Variants in SSH1 observed in about 807,000 individuals in gnomAD.
SSH1 encodes the protein slingshot protein phosphatase 1.
In SSH1, 43 loss-of-function variants were observed where a neutral mutation model predicts 79.7. The observed-to-expected ratio is 0.54, with a 90% CI of 0.42 to 0.70. SSH1 has a LOEUF of 0.70. Among genes scored for constraint, SSH1 ranks in the 30% least tolerant of loss-of-function variants. The pLI, the probability that SSH1 is intolerant of heterozygous loss-of-function variation, is 0.00. For missense variants in SSH1, 1,206 were observed against 1,358.8 expected, an observed-to-expected ratio of 0.89 and a Z score of 1.77; for synonymous variants, 599 against 538.3, an observed-to-expected ratio of 1.11 and a Z score of -1.56.
Position 108,807,740 on chromosome 12 carries a change from G to C in SSH1, c.624C>G (p.Thr208=). ...CGGAGCTGATGCAGCTCTCATAGTA[G>C]GTAGCCCAGATGAGAGCTACACCCC... ...FPGGVALIWA[T]YYESCISSEQ... is the part of the protein sequence containing the mutation. The change falls in exon 8 of 15, where the codon ACC becomes ACG. Residue 208 remains threonine, a synonymous_variant. Transcript: ENST00000326495. This position sits in a 1 kb window ranked among gnomAD's most constrained non-coding sequence, Gnocchi z 5.2. 2 of 1,613,394 alleles carry C rather than the reference G, an allele frequency of 1.2e-6. No individual in the cohort carries two copies. The highest frequency in any genetic ancestry group is 1.7e-6 in the Non-Finnish European group (2 of 1,179,692).
At chr12:108,796,729 G>A (rs919265159) in intron 13 of SSH1, among the ~76,000 whole-genome samples, 1 of 151,974 alleles carries the variant, frequency 6.6e-6, no homozygotes, top group Non-Finnish European at 1.5e-5. Flanking sequence ...GGAATTGCTA[G>A]ATGATATAAT....
intron 2 of SSH1, among the ~76,000 whole-genome samples, chr12:108,825,356 C>T (rs952635695): frequency 6.6e-6 from 1 of 152,184 alleles, no homozygotes; most frequent in African/African-American, 2.4e-5. Flanking sequence ...AAAAACTCAG[C>T]AAAGTCTAAA....
intron 2 of SSH1, chr12:108,827,365 T>C (rs1364318413): frequency 6.5e-7 from 1 of 1,538,876 alleles, no homozygotes; most frequent in East Asian, 2.5e-5. Context: ...AGTGCTCACA[T>C]CTCTAACGCT....
chr12:108,809,128 C>G (rs2037442735), intron 7 of SSH1, among the ~76,000 whole-genome samples: 1 of 151,878 alleles, frequency 6.6e-6, no homozygotes, highest in South Asian at 2.1e-4. Context: ...GCCACCACGC[C>G]TAGCCCATTT....
chr12:108,793,123 T>C (rs2036586980), intron 13 of SSH1, among the ~76,000 whole-genome samples: 1 of 152,230 alleles, frequency 6.6e-6, no homozygotes, highest in Non-Finnish European at 1.5e-5. Flanking sequence ...TCTGTGTATC[T>C]GTGTTTAGTG....
At position 108,845,358 on chromosome 12, in the gene SSH1, G is replaced by A. The variant is rs1354805436; in HGVS notation, c.110+7280C>T. On this transcript the variant is annotated intron_variant, in intron 2 of 14. Coordinates refer to ENST00000326495, the MANE Select transcript of SSH1 (RefSeq NM_018984.4). The stretch of plus-strand genomic sequence containing the variant: ...CCAGCTATACCGTGTCCAGATTCCT[G>A]ACCCATGGAAGCTGTGAGATAATAA... Among the ~76,000 whole-genome samples the A allele has an allele frequency of 2.0e-5, 3 of 152,092 alleles. No homozygotes were observed. In the East Asian group the frequency reaches 5.8e-4, roughly 29 times the overall value.
rs999684929 is a variant in SSH1 at position 108,800,054 on chromosome 12, T to C, written c.1148+726A>G. The stretch of plus-strand genomic sequence containing the variant: ...GTCTGAAGTTTCCGTCAAGGGAGTC[T>C]TGAGTTTGTCTCCTGGGAATATAAG... On this transcript the variant is annotated intron_variant, in intron 12 of 14. Transcript: ENST00000326495. 2.6e-5 allele frequency among the ~76,000 whole-genome samples: 4 copies of C among 152,220 alleles called. No individual in the cohort carries two copies. The East Asian group carries it at 7.7e-4, about 29-fold the overall frequency.
In SSH1 at chr12:108,788,671, G is replaced by A. The variant is rs371932811; in HGVS notation, c.2467C>T (p.Arg823Cys). 26 of 1,613,936 alleles carry A rather than the reference G, an allele frequency of 1.6e-5. No individual in the cohort carries two copies. Among genetic ancestry groups the A allele is most frequent in the African/African-American group, 5.3e-5 (4 of 74,934 alleles). Residue 823 changes from arginine to cysteine, a missense_variant, in exon 15 of 15, where the codon CGC becomes TGC. Coordinates refer to ENST00000326495, the MANE Select transcript of SSH1 (RefSeq NM_018984.4). ...IIQLQKAGLV[R>C]KHTKELERLK... ...CGCTCTAGCTCTTTGGTGTGCTTGC[G>A]GACCAAGCCTGCCTTCTGCAGCTGA...
rs900463558 is a variant in SSH1, at chr12:108,779,669, T to C, written c.*8319A>G. 2.0e-5 allele frequency: 3 copies of C among 151,830 alleles called. No homozygotes were observed. The highest frequency in any genetic ancestry group is 6.6e-5 in the Admixed American group (1 of 15,216). 9.4% of individuals were successfully genotyped at this position (151,830 alleles called of 1,614,324 possible). A position where few individuals can be genotyped will look rare whatever the true frequency, so the allele number is the denominator to read the frequency against. ...TTAGAAAAAGGACTCTCCTCTACCT[T>C]TTTTTTTCTTTTTTTTGTTTTTTGA... is the stretch of plus-strand genomic sequence containing the variant. On this transcript the variant is annotated 3_prime_UTR_variant, in exon 15 of 15. Transcript: ENST00000326495.
At position 108,806,277 on chromosome 12, in the gene SSH1, C is replaced by T. The variant is rs777723553; in HGVS notation, c.825+24G>A. On this transcript the variant is annotated intron_variant, in intron 9 of 14. Coordinates refer to ENST00000326495, the MANE Select transcript of SSH1 (RefSeq NM_018984.4). Reference sequence around the variant, plus strand: ...TGGAGGCTGCATGACCTCTGACCTGCAATGAAGGGAGGAGTTGTCTTACCT... The same window carrying T: ...TGGAGGCTGCATGACCTCTGACCTGTAATGAAGGGAGGAGTTGTCTTACCT... 10 of 1,606,892 alleles carry T rather than the reference C, an allele frequency of 6.2e-6. No individual in the cohort carries two copies. The African/African-American group carries it at 6.7e-5, about 11-fold the overall frequency.
intron 2 of SSH1, among the ~76,000 whole-genome samples, chr12:108,828,190 G>A (rs1262595587): frequency 1.3e-5 from 2 of 152,158 alleles, no homozygotes; most frequent in East Asian, 1.9e-4. Flanking sequence ...GTGACTTCTG[G>A]AACAATTCCT....
chr12:108,836,708 A>G (rs1220539412), intron 2 of SSH1, among the ~76,000 whole-genome samples: 3 of 152,278 alleles, frequency 2.0e-5, no homozygotes, highest in Non-Finnish European at 4.4e-5. Context: ...GGGGAAAAGA[A>G]TAACTGTACA....
At chr12:108,794,680 C>T (rs1346316370) in intron 13 of SSH1, among the ~76,000 whole-genome samples, 20 of 152,300 alleles carry the variant, frequency 1.3e-4, no homozygotes, top group East Asian at 1.9e-4. Context: ...AAGTGGGTCA[C>T]GCAAATCTGC....
chr12:108,797,073 T>G (rs1423082197), intron 13 of SSH1, among the ~76,000 whole-genome samples: 1 of 152,228 alleles, frequency 6.6e-6, no homozygotes, highest in East Asian at 1.9e-4. Flanking sequence ...CATACTGTTT[T>G]CCACAGCACC....
rs2036118748 is a variant in SSH1 at position 108,778,531 on chromosome 12, G to T, written c.*9457C>A. 6.6e-6 allele frequency: 1 copy of T among 152,226 alleles called. No individual in the cohort carries two copies. Among genetic ancestry groups the T allele is most frequent in the Non-Finnish European group, 1.5e-5 (1 of 68,044 alleles). The allele number at this position is 152,226 out of a possible 1,614,324, so 9.4% of individuals were successfully genotyped here. On this transcript the variant is annotated 3_prime_UTR_variant, in exon 15 of 15. Coordinates refer to ENST00000326495, the MANE Select transcript of SSH1 (RefSeq NM_018984.4). ...TCTGTAAAACAGAATCATATCTGCG[G>T]TGAGGATTAACTTGGTAATACATGT...
intron 5 of SSH1, among the ~76,000 whole-genome samples, chr12:108,812,215 C>T (rs2037646075): frequency 6.6e-6 from 1 of 152,234 alleles, no homozygotes; most frequent in South Asian, 2.1e-4. Context: ...CCCTCCGTGC[C>T]ATCCTACCCA....
chr12:108,803,311 G>T (rs962588926), intron 10 of SSH1, among the ~76,000 whole-genome samples: 3 of 151,524 alleles, frequency 2.0e-5, no homozygotes, highest in South Asian at 2.1e-4. Flanking sequence ...TTTAAAAAAT[G>T]GTATCATTGA....
At position 108,806,174 on chromosome 12, in the gene SSH1, G is replaced by A. The variant is rs888850193; in HGVS notation, c.825+127C>T. 4.5e-5 allele frequency: 41 copies of A among 907,218 alleles called. No homozygotes were observed. The African/African-American group carries it at 4.9e-4, about 11-fold the overall frequency. The allele number at this position is 907,218 out of a possible 1,614,324, so 56.2% of individuals were successfully genotyped here. A position where few individuals can be genotyped will look rare whatever the true frequency, so the allele number is the denominator to read the frequency against. Reference sequence around the variant, plus strand: ...TAGAACGAGGCAGAAAAAAGCCTCCGGGGGCTGATACCAGAGGACAGGTAA... The same window carrying A: ...TAGAACGAGGCAGAAAAAAGCCTCCAGGGGCTGATACCAGAGGACAGGTAA... On this transcript the variant is annotated intron_variant, in intron 9 of 14. Transcript: ENST00000326495.
rs2036119368 is a variant in SSH1 at position 108,778,597 on chromosome 12, A to G, written c.*9391T>C. The G allele has an allele frequency of 6.6e-6, 1 of 152,210 alleles. No individual in the cohort carries two copies. Among genetic ancestry groups the G allele is most frequent in the Admixed American group, 6.5e-5 (1 of 15,268 alleles). The allele number at this position is 152,210 out of a possible 1,614,324, so 9.4% of individuals were successfully genotyped here. A position where few individuals can be genotyped will look rare whatever the true frequency, so the allele number is the denominator to read the frequency against. On this transcript the variant is annotated 3_prime_UTR_variant, in exon 15 of 15. Transcript: ENST00000326495. ...AGGAATATATCCTCCAATTCCAACA[A>G]TAACAACCACCATTTATTTATTAGG...
Sources: gnomAD v4.1 joint callset for allele counts (sites outside exome capture counted in the v4.1 genomes callset) on GRCh38, gnomAD v4.1.1 for gene constraint, Gnocchi (gnomAD v3.1) non-coding constraint, MANE v1.5 for transcripts, NCBI Gene and HGNC (gene_info 2026-07-23, HGNC 2026-07-21) for gene names.